Variants in LRRC49 observed in about 807,000 individuals in gnomAD.
The protein encoded by LRRC49 is leucine-rich repeat-containing protein 49.
In LRRC49, 50 loss-of-function variants were observed where a neutral mutation model predicts 83.3. The observed-to-expected ratio is 0.60, with a 90% CI of 0.48 to 0.76. LRRC49 has a LOEUF of 0.76. Among genes scored for constraint, LRRC49 ranks in the 30% least tolerant of loss-of-function variants. The pLI, the probability that LRRC49 is intolerant of heterozygous loss-of-function variation, is 0.00. For synonymous variants in LRRC49, 286 were observed against 283.3 expected (o/e 1.01, Z -0.10); for missense variants, 704 against 809.1 (o/e 0.87, Z 1.58).
At chr15:70,936,569 C>G in intron 7 of LRRC49, 192 bp from the exon 8 acceptor site, 1 of 535,540 alleles carries the variant, frequency 1.9e-6, no homozygotes, top group Non-Finnish European at 3.3e-6. Flanking sequence ...GCAGCTTGTT[C>G]TGCGGATGTA....
intron 1 of LRRC49, among the ~76,000 whole-genome samples, chr15:70,872,104 A>C (rs1428784378): frequency 1.3e-5 from 2 of 152,244 alleles, no homozygotes; most frequent in Admixed American, 6.5e-5. Context: ...AGCCTGGGCA[A>C]CATTGAGCAC....
chr15:70,988,755 G>A (rs2037737763), intron 11 of LRRC49, among the ~76,000 whole-genome samples: 1 of 152,162 alleles, frequency 6.6e-6, no homozygotes, highest in African/African-American at 2.4e-5. Flanking sequence ...AATTTGGCAT[G>A]ATTTTGCAGT....
chr15:70,886,049 C>T (rs1274911621), intron 2 of LRRC49, among the ~76,000 whole-genome samples: 10 of 151,966 alleles, frequency 6.6e-5, no homozygotes, highest in African/African-American at 2.4e-4. Flanking sequence ...CCCAGAGATA[C>T]GGGAATTAAA....
chr15:70,892,516 G>A, upstream of LRRC49: 2 of 1,522,664 alleles, frequency 1.3e-6, no homozygotes, highest in Non-Finnish European at 1.8e-6. Context: ...GACACAAGCA[G>A]AGGGATACAA....
chr15:70,892,119 C>T (rs1279611530), upstream of LRRC49: 17 of 1,613,826 alleles, frequency 1.1e-5, no homozygotes, highest in Non-Finnish European at 1.4e-5. Flanking sequence ...GAGCAGATGA[C>T]CGAGCGGTCA....
chr15:70,882,567 A>T (rs772564155), intron 2 of LRRC49: 1 of 1,613,942 alleles, frequency 6.2e-7, no homozygotes, highest in Non-Finnish European at 8.5e-7. Flanking sequence ...TCAAAGAGAG[A>T]GGAAGTTCTA....
Position 70,936,781 on chromosome 15 carries a change from C to A in LRRC49, c.732C>A (p.Pro244=). 1 of 1,610,962 alleles carries A rather than the reference C, an allele frequency of 6.2e-7. No individual in the cohort carries two copies. Among genetic ancestry groups the A allele is most frequent in the Non-Finnish European group, 8.5e-7 (1 of 1,177,558 alleles). Reference sequence around the variant, plus strand: ...TCCAGAGAGATGTGGATAATTTGCCCTGCCTCCAACATCTCTTTCTCAGCT... The same window carrying A: ...TCCAGAGAGATGTGGATAATTTGCCATGCCTCCAACATCTCTTTCTCAGCT... ...ITFVRDVDNL[P]CLQHLFLSFN... The change falls in exon 8 of 16, where the codon CCC becomes CCA. Residue 244 remains proline (P), a synonymous_variant. Coordinates refer to ENST00000260382, the MANE Select transcript of LRRC49 (RefSeq NM_017691.5).
intron 6 of LRRC49, among the ~76,000 whole-genome samples, chr15:70,914,460 A>C (rs1001089342): frequency 4.6e-5 from 7 of 152,220 alleles, no homozygotes; most frequent in Non-Finnish European, 8.8e-5. Context: ...TGGGAAGTAG[A>C]GATGGAAGGA....
upstream of LRRC49, chr15:70,892,192 C>T (rs1383781060): frequency 6.2e-7 from 1 of 1,608,316 alleles, no homozygotes; most frequent in Non-Finnish European, 8.5e-7. Context: ...GCCGCACGGC[C>T]CGGTCCTTGG....
At chr15:70,917,972 C>T (rs943674597) in intron 6 of LRRC49, among the ~76,000 whole-genome samples, 1 of 152,242 alleles carries the variant, frequency 6.6e-6, no homozygotes, top group African/African-American at 2.4e-5. Context: ...GACTTGAGAG[C>T]TCCCCAAGCC....
At chr15:70,892,510 CA>C, upstream of LRRC49, 1 of 1,524,046 alleles carries the variant, frequency 6.6e-7, no homozygotes, top group South Asian at 1.2e-5. Flanking sequence ...CCAGTGGACA[CA>C]AGCAGAGGGA....
chr15:70,952,696 G>T (rs2036262168), intron 8 of LRRC49, among the ~76,000 whole-genome samples: 1 of 152,108 alleles, frequency 6.6e-6, no homozygotes, highest in African/African-American at 2.4e-5. Flanking sequence ...CTGGTTTACT[G>T]CCTTGATGAT....
intron 4 of LRRC49, among the ~76,000 whole-genome samples, chr15:70,901,485 A>G (rs888092482): frequency 4.6e-5 from 7 of 151,988 alleles, no homozygotes; most frequent in South Asian, 2.1e-4. Flanking sequence ...GGTGCTTACT[A>G]TCCCCTCTGC....
chr15:70,893,459 C>A, intron 1 of LRRC49, 125 bp from the exon 2 acceptor site: 1 of 664,190 alleles, frequency 1.5e-6, no homozygotes. Flanking sequence ...GATCATTTAC[C>A]AGAAACAGAA....
chr15:70,892,875 A>G lies in LRRC49; in HGVS notation c.-20A>G, dbSNP rs780809783. ...CACCTGGAAGGCAGATCTAACAGAG[A>G]ACCTGGACTGTCTCCTATCATGATT... On this transcript the variant is annotated 5_prime_UTR_variant, in exon 1 of 16. Transcript: ENST00000260382. 1 of 1,614,184 alleles carries G rather than the reference A, an allele frequency of 6.2e-7. No homozygotes were observed. The highest frequency in any genetic ancestry group is 1.3e-5 in the African/African-American group (1 of 75,048).
At position 71,011,418 on chromosome 15, in the gene LRRC49, G is replaced by A. The variant is rs548455923; in HGVS notation, c.1594-1386G>A. ...AAACTTTGAATCAGGAAGGAATAGT[G>A]TAGTTATATAAAGTGGAGAAGAATT... is the stretch of plus-strand genomic sequence containing the variant. On this transcript the variant is annotated intron_variant, in intron 13 of 15. Transcript: ENST00000260382. Among the ~76,000 whole-genome samples the A allele has an allele frequency of 3.3e-5, 5 of 152,232 alleles. No individual in the cohort carries two copies. In the East Asian group the frequency reaches 9.6e-4, roughly 29 times the overall value.
chr15:71,000,121 C>T (rs551454287), intron 11 of LRRC49, among the ~76,000 whole-genome samples: 1 of 152,200 alleles, frequency 6.6e-6, no homozygotes, highest in South Asian at 2.1e-4. Context: ...TCAGAACTCT[C>T]TTATTGAAAT....
Position 71,008,584 on chromosome 15 carries a change from C to A in LRRC49, c.1375C>A (p.Pro459Thr). Residue 459 changes from proline (P) to threonine (T), a missense_variant, in exon 12 of 16, where the codon CCT becomes ACT. Transcript: ENST00000260382. The part of the protein sequence containing the change: ...IEFDEIVQVL[P>T]KLKIKFPNSL... ...ATTTGATGAAATCGTCCAAGTGCTTCCTAAACTGAAGATTAAGTTTCCTAA... is the reference window on the plus strand; with the variant it reads ...ATTTGATGAAATCGTCCAAGTGCTTACTAAACTGAAGATTAAGTTTCCTAA... 6.2e-7 allele frequency: 1 copy of A among 1,612,050 alleles called. No individual in the cohort carries two copies. The highest frequency in any genetic ancestry group is 8.5e-7 in the Non-Finnish European group (1 of 1,178,650).
intron 8 of LRRC49, among the ~76,000 whole-genome samples, chr15:70,954,228 T>C (rs887571496): frequency 1.3e-5 from 2 of 152,224 alleles, no homozygotes; most frequent in Non-Finnish European, 2.9e-5. Flanking sequence ...CTTGGTCTAT[T>C]CTGCTTTTAA....
Sources: gnomAD v4.1 joint callset for allele counts (sites outside exome capture counted in the v4.1 genomes callset) on GRCh38, gnomAD v4.1.1 for gene constraint, MANE v1.5 for transcripts, NCBI Gene and HGNC (gene_info 2026-07-23, HGNC 2026-07-21) for gene names.